Variants in KNTC1 observed in about 807,000 individuals in gnomAD.
The protein encoded by KNTC1 is kinetochore associated 1.
A neutral mutation model predicts 314.4 loss-of-function variants in KNTC1; 253 were observed. The ratio of observed to expected loss-of-function variants is 0.80; its 90% CI spans 0.73 to 0.89. The LOEUF (loss-of-function observed/expected upper bound fraction) is 0.89, where lower values mean the gene tolerates loss of function less well. KNTC1 is among the 40% of genes least tolerant of loss of function. The pLI is 0.00. For missense variants in KNTC1, 2,475 were observed against 2,572.9 expected (o/e 0.96, Z 0.82); for synonymous variants, 901 against 901.4 (o/e 1.00, Z 0.01).
intron 16 of KNTC1, 54 bp downstream of exon 16, chr12:122,551,750 G>C: frequency 8.2e-7 from 1 of 1,225,604 alleles, no homozygotes; most frequent in Non-Finnish European, 1.2e-6. Flanking sequence ...TCATGGGCTA[G>C]AGGCTGAGAG....
Position 122,561,983 on chromosome 12 carries a change from A to C in KNTC1, c.1542+9A>C. 6.3e-7 allele frequency: 1 copy of C among 1,595,370 alleles called. No individual in the cohort carries two copies. The highest frequency in any genetic ancestry group is 8.6e-7 in the Non-Finnish European group (1 of 1,167,722). ...CTGATGGCTTGAAAGAGGTAATTAC[A>C]CTAGATTTCTAGGTTAATATGTGGG... On this transcript the variant is annotated intron_variant, in intron 19 of 63. Transcript: ENST00000333479.
chr12:122,544,344 A>G (rs1962605401), intron 8 of KNTC1, 75 bp downstream of exon 8: 2 of 734,126 alleles, frequency 2.7e-6, no homozygotes, highest in East Asian at 2.8e-5. Flanking sequence ...TTTTGGTTAA[A>G]TTGCAAAATA....
At chr12:122,583,058 TC>T in intron 34 of KNTC1, 73 bp downstream of exon 34, 1 of 1,397,722 alleles carries the variant, frequency 7.2e-7, no homozygotes, top group Non-Finnish European at 9.7e-7. Flanking sequence ...ATACCTGTAA[TC>T]CCAGCAATTT....
intron 42 of KNTC1, among the ~76,000 whole-genome samples, chr12:122,591,778 CTGT>C (rs1255688268): frequency 2.0e-5 from 3 of 152,266 alleles, no homozygotes; most frequent in Non-Finnish European, 2.9e-5. Context: ...TTTTCTGCTG[CTGT>C]TATTTAAAGA....
At chr12:122,602,186 C>T (rs1872014098) in intron 45 of KNTC1, among the ~76,000 whole-genome samples, 1 of 151,580 alleles carries the variant, frequency 6.6e-6, no homozygotes, top group Non-Finnish European at 1.5e-5. Context: ...TACAAAGTGT[C>T]CTAATATAAA....
At chr12:122,624,770 G>A (rs754262438) in intron 63 of KNTC1, 82 bp downstream of exon 63, 10 of 933,694 alleles carry the variant, frequency 1.1e-5, no homozygotes, top group South Asian at 1.0e-4. Flanking sequence ...GCCTTTTCTA[G>A]TGTTCTGGAG....
intron 42 of KNTC1, 92 bp from the exon 43 acceptor site, chr12:122,594,184 A>G: frequency 2.8e-6 from 2 of 718,694 alleles, no homozygotes; most frequent in South Asian, 1.7e-5. Context: ...TTGAAAAAGG[A>G]TACTAAGAAG....
Position 122,609,416 on chromosome 12 carries a change from T to A in KNTC1, c.5529T>A (p.Asp1843Glu). The change falls in exon 52 of 64, where the codon GAT becomes GAA. Residue 1843 changes from aspartate to glutamate, a missense_variant. Physicochemically the swap from Asp to Glu is conservative, Grantham distance 45 (BLOSUM62 2). Transcript: ENST00000333479. ...KPSELFELQE[D>E]EALRRVQYLL... ...CAGAATTATTTGAACTTCAAGAAGATGAAGCCCTACGAAGGTACTCTTTTC... is the reference window on the plus strand; with the variant it reads ...CAGAATTATTTGAACTTCAAGAAGAAGAAGCCCTACGAAGGTACTCTTTTC... 6.3e-7 allele frequency: 1 copy of A among 1,585,896 alleles called. No individual in the cohort carries two copies. The highest frequency in any genetic ancestry group is 1.2e-5 in the South Asian group (1 of 86,182).
Position 122,586,728 on chromosome 12 carries a change from C to A in KNTC1, c.3701C>A (p.Thr1234Asn). ...AESKRYPLES[T>N]SLPYCSLNEG... is the part of the protein sequence containing the mutation. Reference sequence around the variant, plus strand: ...AGCAAGAGATATCCCTTGGAGTCTACCAGTTTGCCATACTGCTCCCTTAAT... The same window carrying A: ...AGCAAGAGATATCCCTTGGAGTCTAACAGTTTGCCATACTGCTCCCTTAAT... Residue 1234 changes from threonine (T) to asparagine (N), a missense_variant, in exon 38 of 64, where the codon ACC (threonine) becomes AAC (asparagine). Coordinates refer to ENST00000333479, the MANE Select transcript of KNTC1 (RefSeq NM_014708.6). 7 of 1,492,408 alleles carry A rather than the reference C, an allele frequency of 4.7e-6. No homozygotes were observed. In the South Asian group the frequency reaches 8.4e-5, roughly 18 times the overall value. 92.4% of individuals were successfully genotyped at this position (1,492,408 alleles called of 1,614,324 possible). A position where few individuals can be genotyped will look rare whatever the true frequency, so the allele number is the denominator to read the frequency against.
chr12:122,586,348 C>G (rs1052389488), intron 37 of KNTC1, among the ~76,000 whole-genome samples: 249 of 152,296 alleles, frequency 1.6e-3, no homozygotes, highest in African/African-American at 5.1e-3. Context: ...TTCCAAAGTG[C>G]AGGGATTACA....
chr12:122,549,922 C>A, intron 13 of KNTC1, 58 bp downstream of exon 13: 1 of 911,728 alleles, frequency 1.1e-6, no homozygotes, highest in Non-Finnish European at 1.7e-6. Context: ...TATCTGGTAT[C>A]TAATCAGGGA....
chr12:122,609,530 G>A (rs1460072164), intron 52 of KNTC1, 100 bp downstream of exon 52: 8 of 755,782 alleles, frequency 1.1e-5, no homozygotes, highest in Non-Finnish European at 1.7e-5. Context: ...GGGCTTTCTT[G>A]ATAAAACTCA....
At position 122,587,887 on chromosome 12, in the gene KNTC1, GA is replaced by G; in HGVS notation, c.3894+15del. 6.2e-7 allele frequency: 1 copy of G among 1,606,092 alleles called. No individual in the cohort carries two copies. The highest frequency in any genetic ancestry group is 8.5e-7 in the Non-Finnish European group (1 of 1,176,030). ...TTTGAGTGAAAAGGTATAGTGTCAA[GA>G]ACAAATACTTTGACTTGGGGTGAAT... On this transcript the variant is annotated intron_variant, in intron 39 of 63. Transcript: ENST00000333479.
In KNTC1 at chr12:122,573,247, G is replaced by T; in HGVS notation, c.2245G>T (p.Asp749Tyr). 1 of 1,613,826 alleles carries T rather than the reference G, an allele frequency of 6.2e-7. No individual in the cohort carries two copies. Among genetic ancestry groups the T allele is most frequent in the South Asian group, 1.1e-5 (1 of 91,056 alleles). Residue 749 changes from aspartate (D) to tyrosine (Y), a missense_variant, in exon 26 of 64, where the codon GAC becomes TAC. By Grantham distance (160) the Asp-to-Tyr change is radical. Transcript: ENST00000333479. ...KFIRVYMREH[D>Y]LQEEELLLLY... The stretch of plus-strand genomic sequence containing the variant: ...TATAAGAGTTTACATGAGAGAACAT[G>T]ACTTGCAAGAGGAGGAACTTCTCTT...
chr12:122,558,416 G>A (rs543675248), intron 18 of KNTC1, among the ~76,000 whole-genome samples: 2 of 151,986 alleles, frequency 1.3e-5, no homozygotes, highest in African/African-American at 4.8e-5. Flanking sequence ...GCCGGGTGTG[G>A]TGTCACGCGC....
chr12:122,561,734 G>A (rs56877053), intron 18 of KNTC1, among the ~76,000 whole-genome samples, 187 bp from the exon 19 acceptor site: 3,157 of 152,164 alleles, frequency 0.021, 121 homozygotes, highest in African/African-American at 0.073. Flanking sequence ...GATTACAGGC[G>A]TGAGCCACTG....
intron 1 of KNTC1, among the ~76,000 whole-genome samples, chr12:122,528,850 T>A (rs186792520): frequency 2.8e-3 from 399 of 140,380 alleles, no homozygotes; most frequent in African/African-American, 9.0e-3. Context: ...ATATATATAT[T>A]TTTTTTCCAA....
intron 3 of KNTC1, among the ~76,000 whole-genome samples, chr12:122,536,646 A>G (rs1356190437): frequency 6.6e-6 from 1 of 151,196 alleles, no homozygotes; most frequent in Non-Finnish European, 1.5e-5. Flanking sequence ...CAGCCTCCCA[A>G]GTAGCTGGGA....
chr12:122,533,532 TAAAAGA>T (rs1753831422), intron 2 of KNTC1, among the ~76,000 whole-genome samples: 1 of 151,954 alleles, frequency 6.6e-6, no homozygotes, highest in African/African-American at 2.4e-5. Flanking sequence ...CCCGTCTCTA[TAAAAGA>T]AAAAGAAAAT....
Sources: gnomAD v4.1 joint callset for allele counts (sites outside exome capture counted in the v4.1 genomes callset) on GRCh38, gnomAD v4.1.1 for gene constraint, MANE v1.5 for transcripts, NCBI Gene and HGNC (gene_info 2026-07-23, HGNC 2026-07-21) for gene names.